RORA: variants seen among roughly 807,000 people sequenced by gnomAD.
RORA encodes RAR related orphan receptor A, also known as nuclear receptor ROR-alpha.
Under a neutral mutation model 69.5 loss-of-function variants are expected in RORA, and 7 were observed. The observed-to-expected ratio is 0.10, with a 90% CI of 0.06 to 0.19. RORA has a LOEUF of 0.19. Among genes scored for constraint, RORA ranks in the 10% least tolerant of loss-of-function variants. RORA has a pLI of 1.00. For missense variants in RORA, 457 were observed against 663.0 expected (o/e 0.69, Z 3.41); for synonymous variants, 261 against 240.8 (o/e 1.08, Z -0.78).
intron 1 of RORA, among the ~76,000 whole-genome samples, chr15:60,693,977 C>T (rs982158326): frequency 1.3e-5 from 2 of 151,994 alleles, no homozygotes; most frequent in African/African-American, 2.4e-5. Flanking sequence ...AATAGGAGCC[C>T]GTATAGCCAA....
chr15:60,792,423 T>C (rs565073147), intron 1 of RORA, among the ~76,000 whole-genome samples: 1 of 152,268 alleles, frequency 6.6e-6, no homozygotes, highest in South Asian at 2.1e-4. Flanking sequence ...TTAACAAGTA[T>C]GGTTAAAGAC....
intron 2 of RORA, among the ~76,000 whole-genome samples, chr15:60,591,541 G>A (rs1394018414): frequency 1.3e-5 from 2 of 151,904 alleles, no homozygotes; most frequent in East Asian, 3.9e-4. Context: ...CGGCTACGGA[G>A]TCCTGATGAG....
intron 1 of RORA, among the ~76,000 whole-genome samples, chr15:61,205,044 T>C (rs1163167361): frequency 6.6e-6 from 1 of 152,220 alleles, no homozygotes; most frequent in African/African-American, 2.4e-5. Context: ...TGCCCCAAAA[T>C]ATCAACGTGT....
rs114409773 is a variant in RORA at position 61,204,003 on chromosome 15, C to G, written c.166+25050G>C. ...TGTCAAATGCATCCTTCCTTCATTCCTTCAACAGACTGAGTACCCACTATG... is the reference window on the plus strand; with the variant it reads ...TGTCAAATGCATCCTTCCTTCATTCGTTCAACAGACTGAGTACCCACTATG... On this transcript the variant is annotated intron_variant, in intron 1 of 10. Coordinates refer to ENST00000335670, the MANE Select transcript of RORA (RefSeq NM_134261.3). Among the ~76,000 whole-genome samples, 353 of 152,292 alleles carry G rather than the reference C, an allele frequency of 2.3e-3. 1 individual carries two copies. Among genetic ancestry groups the G allele is most frequent in the African/African-American group, 8.3e-3 (345 of 41,566 alleles).
intron 2 of RORA, among the ~76,000 whole-genome samples, chr15:60,566,704 T>G (rs2067722805): frequency 1.3e-5 from 2 of 152,204 alleles, no homozygotes; most frequent in South Asian, 4.1e-4. Flanking sequence ...ATTTGTCATT[T>G]GATTTGGGCC....
At chr15:60,987,572 C>T (rs1307377987) in intron 1 of RORA, among the ~76,000 whole-genome samples, 1 of 152,096 alleles carries the variant, frequency 6.6e-6, no homozygotes, top group Non-Finnish European at 1.5e-5. Flanking sequence ...TCATTAATAC[C>T]AAAAACCTGA....
chr15:60,873,784 C>T lies in RORA; in HGVS notation c.167-195098G>A, dbSNP rs115338103. Among the ~76,000 whole-genome samples, 1,497 of 152,134 alleles carry T rather than the reference C, an allele frequency of 9.8e-3. 31 individuals are homozygous for T. The highest frequency in any genetic ancestry group is 0.033 in the African/African-American group (1,362 of 41,480). On this transcript the variant is annotated intron_variant, in intron 1 of 10. Transcript: ENST00000335670. ...AAGTTGAAATGCAGCTAGAGATATC[C>T]GGTTGCTGTTTTAAACATTCCCAAA...
At chr15:60,893,647 C>T (rs1326064668) in intron 1 of RORA, among the ~76,000 whole-genome samples, 1 of 152,096 alleles carries the variant, frequency 6.6e-6, no homozygotes, top group Non-Finnish European at 1.5e-5. Context: ...AAGAAAGAGG[C>T]TCCTAAGGGA....
At chr15:60,895,000 T>C (rs1035187247) in intron 1 of RORA, among the ~76,000 whole-genome samples, 1 of 152,114 alleles carries the variant, frequency 6.6e-6, no homozygotes, top group African/African-American at 2.4e-5. Flanking sequence ...AAAAAGATAA[T>C]GCCTGTCTGA....
At chr15:60,838,214 C>T (rs2140399641) in intron 1 of RORA, among the ~76,000 whole-genome samples, 2 of 152,300 alleles carry the variant, frequency 1.3e-5, no homozygotes, top group East Asian at 1.9e-4. Context: ...TGCTGTTCCA[C>T]ACCAGACCTT....
Position 60,495,069 on chromosome 15 carries a change from G to T in RORA, c.*2386C>A, listed in dbSNP as rs1186426198. 6.6e-6 allele frequency: 1 copy of T among 151,832 alleles called. No individual in the cohort carries two copies. Among genetic ancestry groups the T allele is most frequent in the African/African-American group, 2.4e-5 (1 of 41,308 alleles). 9.4% of individuals were successfully genotyped at this position (151,832 alleles called of 1,614,324 possible). ...TAATAAAACCATCCCCAAATTTAGT[G>T]AATCTGAATGACAAAAAAACAAAAC... On this transcript the variant is annotated 3_prime_UTR_variant, in exon 11 of 11. Coordinates refer to ENST00000335670, the MANE Select transcript of RORA (RefSeq NM_134261.3).
chr15:61,037,052 G>A lies in RORA; in HGVS notation c.166+192001C>T, dbSNP rs1231249670. 2.0e-5 allele frequency among the ~76,000 whole-genome samples: 3 copies of A among 152,106 alleles called. 1 individual carries two copies. Among genetic ancestry groups the A allele is most frequent in the East Asian group, 3.9e-4 (2 of 5,180 alleles). ...ACAGGGTAGATAGCTTAAGAATGGGGTAGGAAGCTAGACTATAGGAATTCA... is the reference window on the plus strand; with the variant it reads ...ACAGGGTAGATAGCTTAAGAATGGGATAGGAAGCTAGACTATAGGAATTCA... On this transcript the variant is annotated intron_variant, in intron 1 of 10. Transcript: ENST00000335670.
chr15:61,074,326 C>T (rs1490427107), intron 1 of RORA, among the ~76,000 whole-genome samples: 2 of 152,296 alleles, frequency 1.3e-5, no homozygotes, highest in Non-Finnish European at 2.9e-5. Flanking sequence ...ATTTGAGAAC[C>T]CATAAGTCAT....
At chr15:60,805,955 C>T (rs750897220) in intron 1 of RORA, among the ~76,000 whole-genome samples, 1 of 152,196 alleles carries the variant, frequency 6.6e-6, no homozygotes, top group East Asian at 1.9e-4. Context: ...GGAGCCTCTT[C>T]GGAGGACCAA....
At chr15:60,998,864 G>A (rs1237962487) in intron 1 of RORA, among the ~76,000 whole-genome samples, 3 of 152,186 alleles carry the variant, frequency 2.0e-5, no homozygotes, top group East Asian at 1.9e-4. Flanking sequence ...GATAATATTC[G>A]TTTTTCAGAG....
intron 1 of RORA, among the ~76,000 whole-genome samples, chr15:60,760,522 G>A (rs1000306): frequency 0.26 from 39,449 of 152,110 alleles, 6,517 homozygotes; most frequent in Non-Finnish European, 0.36. Context: ...TGACATAAGG[G>A]AGCTTGTTAA....
intron 1 of RORA, among the ~76,000 whole-genome samples, chr15:61,082,090 G>A (rs766038810): frequency 3.9e-5 from 6 of 152,142 alleles, no homozygotes; most frequent in Non-Finnish European, 2.9e-5. Context: ...GTAAAGTGCT[G>A]TACTTCTTAG....
intron 2 of RORA, among the ~76,000 whole-genome samples, chr15:60,609,846 ACT>A (rs2069043578): frequency 6.6e-6 from 1 of 152,124 alleles, no homozygotes; most frequent in Non-Finnish European, 1.5e-5. Flanking sequence ...GAATGGCTGG[ACT>A]CTGTCGAATG....
chr15:61,044,656 C>T (rs774050176), intron 1 of RORA, among the ~76,000 whole-genome samples: 2 of 152,138 alleles, frequency 1.3e-5, no homozygotes, highest in Non-Finnish European at 2.9e-5. Context: ...AAATATTTAA[C>T]ACTGTGTCTG....
Sources: gnomAD v4.1 joint callset for allele counts (sites outside exome capture counted in the v4.1 genomes callset) on GRCh38, gnomAD v4.1.1 for gene constraint, MANE v1.5 for transcripts, NCBI Gene and HGNC (gene_info 2026-07-23, HGNC 2026-07-21) for gene names.